DNAH11: variants seen among roughly 807,000 people sequenced by gnomAD.
The protein encoded by DNAH11 is dynein axonemal heavy chain 11.
A neutral mutation model predicts 526.0 loss-of-function variants in DNAH11; 442 were observed. The ratio of observed to expected loss-of-function variants is 0.84; its 90% CI spans 0.78 to 0.91. The LOEUF (loss-of-function observed/expected upper bound fraction) is 0.91, where lower values mean the gene tolerates loss of function less well. Ranked by LOEUF, DNAH11 falls within the 40% of genes least tolerant of loss-of-function variation. DNAH11 has a pLI of 0.00. For missense variants in DNAH11, 6,989 were observed against 5,448.7 expected (o/e 1.28, Z -8.90); for synonymous variants, 2,461 against 1,935.9 (o/e 1.27, Z -7.12).
intron 61 of DNAH11, among the ~76,000 whole-genome samples, chr7:21,799,495 G>A (rs925479822): frequency 3.3e-5 from 5 of 151,684 alleles, no homozygotes; most frequent in African/African-American, 7.3e-5. Flanking sequence ...CCGCCACCAC[G>A]CCCGGCTAAT....
intron 28 of DNAH11, among the ~76,000 whole-genome samples, chr7:21,640,251 T>C (rs561295094): frequency 3.3e-5 from 5 of 152,304 alleles, no homozygotes; most frequent in East Asian, 3.9e-4. Context: ...TAGCACACAA[T>C]TGGATGCCTT....
intron 20 of DNAH11, among the ~76,000 whole-genome samples, chr7:21,610,610 T>C (rs1371605067): frequency 6.6e-6 from 1 of 151,876 alleles, no homozygotes; most frequent in Non-Finnish European, 1.5e-5. Context: ...AAAGATAATA[T>C]TGAAAAAAAT....
rs571808078 is a variant in DNAH11, at chr7:21,763,106, T to G, written c.8941-2322T>G. Among the ~76,000 whole-genome samples the G allele has an allele frequency of 6.6e-5, 10 of 152,100 alleles. No individual in the cohort carries two copies. The East Asian group carries it at 1.4e-3, about 21-fold the overall frequency. Reference sequence around the variant, plus strand: ...CGCCTGTAATCCCAGCACTTTGAGATGCTGAGGCAGGTGGATCACGAGGTC... The same window carrying G: ...CGCCTGTAATCCCAGCACTTTGAGAGGCTGAGGCAGGTGGATCACGAGGTC... On this transcript the variant is annotated intron_variant, in intron 54 of 81. Transcript: ENST00000409508.
Position 21,635,951 on chromosome 7 carries a change from C to G in DNAH11, c.4581C>G (p.Asn1527Lys), listed in dbSNP as rs766093573. 66 of 1,613,366 alleles carry G rather than the reference C, an allele frequency of 4.1e-5. 1 individual carries two copies. The East Asian group carries it at 1.5e-3, about 36-fold the overall frequency. The change falls in exon 26 of 82, where the codon AAC (asparagine) becomes AAG (lysine). Residue 1527 changes from asparagine to lysine, a missense_variant. Transcript: ENST00000409508. ...TGTTAAGCTGGCAAAATAAATTAAA[C>G]ATAGCAGACTTGGTCATCTTCACTT... ...EQVLSWQNKL[N>K]IADLVIFTWM...
intron 32 of DNAH11, 41 bp downstream of exon 32, chr7:21,683,985 CA>C: frequency 6.3e-7 from 1 of 1,596,150 alleles, no homozygotes; most frequent in Non-Finnish European, 8.5e-7. Flanking sequence ...AAAAACAACC[CA>C]AAAAAGTCCC....
In DNAH11 at chr7:21,816,589, C is replaced by T. The variant is rs754062941; in HGVS notation, c.10455C>T (p.Ile3485=). ...SDRMSTENAA[I]LTHCERWPLV... ...GAATGTCCACCGAAAATGCCGCTAT[C>T]CTAACACACTGTGAGCGCTGGCCTC... Residue 3485 remains isoleucine, a synonymous_variant, in exon 64 of 82, where the codon ATC becomes ATT. Transcript: ENST00000409508. The T allele has an allele frequency of 8.7e-6, 14 of 1,613,622 alleles. No individual in the cohort carries two copies. The highest frequency in any genetic ancestry group is 1.1e-5 in the Non-Finnish European group (13 of 1,179,792).
chr7:21,790,382 G>A (rs1293051527), intron 61 of DNAH11, among the ~76,000 whole-genome samples: 3 of 151,896 alleles, frequency 2.0e-5, no homozygotes, highest in Non-Finnish European at 4.4e-5. Context: ...CCCAGGAAGT[G>A]GAGCTTGCAG....
chr7:21,809,296 G>C (rs1789405605), intron 63 of DNAH11, among the ~76,000 whole-genome samples: 1 of 152,052 alleles, frequency 6.6e-6, no homozygotes, highest in African/African-American at 2.4e-5. Context: ...ATGCCTTGTT[G>C]GGTGAATAGT....
At chr7:21,749,902 G>T in intron 53 of DNAH11, 101 bp downstream of exon 53, 1 of 1,550,790 alleles carries the variant, frequency 6.4e-7, no homozygotes, top group Non-Finnish European at 8.8e-7. Context: ...TGAGATGTTT[G>T]CTGGGCAGTC....
At chr7:21,633,573 A>G (rs1280497346) in intron 25 of DNAH11, among the ~76,000 whole-genome samples, 3 of 152,164 alleles carry the variant, frequency 2.0e-5, no homozygotes, top group Non-Finnish European at 4.4e-5. Flanking sequence ...CTAATACTCA[A>G]CATATGTTTA....
intron 61 of DNAH11, among the ~76,000 whole-genome samples, chr7:21,791,131 G>A (rs761605168): frequency 1.3e-5 from 2 of 152,158 alleles, no homozygotes; most frequent in Non-Finnish European, 2.9e-5. Context: ...GATGAGGAGC[G>A]TGAGGTGCCT....
chr7:21,591,058 C>A, intron 13 of DNAH11, 36 bp downstream of exon 13: 1 of 1,393,836 alleles, frequency 7.2e-7, no homozygotes, highest in Non-Finnish European at 9.5e-7. Context: ...ATACTAGGGC[C>A]TATTATGAAT....
Position 21,635,995 on chromosome 7 carries a change from C to T in DNAH11, c.4625C>T (p.Thr1542Ile), listed in dbSNP as rs953927007. The change falls in exon 26 of 82, where the codon ACT (threonine) becomes ATT (isoleucine). Residue 1542 changes from threonine to isoleucine, a missense_variant. By Grantham distance (89) the Thr-to-Ile change is moderately conservative. Transcript: ENST00000409508. ...TTCACTTGGATGGAAGTCCAGCGAACTTGGTCTCACCTGGAAAGCATTTTT... is the reference window on the plus strand; with the variant it reads ...TTCACTTGGATGGAAGTCCAGCGAATTTGGTCTCACCTGGAAAGCATTTTT... ...VIFTWMEVQR[T>I]WSHLESIFVC... is the part of the protein sequence containing the mutation. 3 of 1,613,764 alleles carry T rather than the reference C, an allele frequency of 1.9e-6. No individual in the cohort carries two copies. Among genetic ancestry groups the T allele is most frequent in the East Asian group, 2.2e-5 (1 of 44,874 alleles).
In DNAH11 at chr7:21,543,540, C is replaced by A; in HGVS notation, c.295C>A (p.Pro99Thr). 1.2e-6 allele frequency: 2 copies of A among 1,609,480 alleles called. No individual in the cohort carries two copies. Among genetic ancestry groups the A allele is most frequent in the Non-Finnish European group, 1.7e-6 (2 of 1,177,944 alleles). ...VLGEFLESTS[P>T]ACLVFSFAAS... ...TGGGGAGTTTCTGGAAAGCACCAGCCCGGCTTGCCTTGTGTTTAGCTTCGC... is the reference window on the plus strand; with the variant it reads ...TGGGGAGTTTCTGGAAAGCACCAGCACGGCTTGCCTTGTGTTTAGCTTCGC... The change falls in exon 1 of 82, where the codon CCG becomes ACG. Residue 99 changes from proline (P) to threonine (T), a missense_variant. By Grantham distance (38) the Pro-to-Thr change is conservative. Transcript: ENST00000409508.
chr7:21,703,037 G>C (rs1784128126), intron 37 of DNAH11, among the ~76,000 whole-genome samples: 1 of 152,178 alleles, frequency 6.6e-6, no homozygotes, highest in South Asian at 2.1e-4. Context: ...TTTTGAAATA[G>C]CCACAAAAAG....
intron 32 of DNAH11, among the ~76,000 whole-genome samples, chr7:21,685,530 G>T (rs1328182962): frequency 1.3e-5 from 2 of 152,160 alleles, no homozygotes; most frequent in Non-Finnish European, 2.9e-5. Flanking sequence ...TTAACAAAAT[G>T]ATGCCCTTCA....
intron 2 of DNAH11, among the ~76,000 whole-genome samples, chr7:21,552,580 A>G (rs1783062752): frequency 6.6e-6 from 1 of 152,206 alleles, no homozygotes; most frequent in Admixed American, 6.5e-5. Context: ...TCTTCTCCCC[A>G]GAAATTAAAA....
At chr7:21,647,708 G>T (rs1046790126) in intron 28 of DNAH11, among the ~76,000 whole-genome samples, 8 of 151,882 alleles carry the variant, frequency 5.3e-5, no homozygotes, top group Non-Finnish European at 1.0e-4. Context: ...TGGGATTACA[G>T]GCATTAGCCA....
chr7:21,779,251 C>T lies in DNAH11; in HGVS notation c.9483+147C>T, dbSNP rs72657380. The stretch of plus-strand genomic sequence containing the variant: ...TTACACATGTAACAGCATTTCACAC[C>T]GTGATTACCACTTGACCTTTCTTTA... On this transcript the variant is annotated intron_variant, in intron 57 of 81. Transcript: ENST00000409508. 44 of 975,752 alleles carry T rather than the reference C, an allele frequency of 4.5e-5. No individual in the cohort carries two copies. In the Middle Eastern group the frequency reaches 2.4e-3, roughly 53 times the overall value. 60.4% of individuals were successfully genotyped at this position (975,752 alleles called of 1,614,324 possible).
Sources: allele counts gnomAD v4.1 joint callset (sites outside exome capture counted in the v4.1 genomes callset), GRCh38; gene constraint gnomAD v4.1.1; transcripts MANE v1.5; gene names NCBI Gene and HGNC (gene_info 2026-07-23, HGNC 2026-07-21).